SLC24A2: variants seen among roughly 807,000 people sequenced by gnomAD.
SLC24A2 encodes the protein sodium/potassium/calcium exchanger 2.
SLC24A2 carries 36 observed loss-of-function variants against 62.0 expected under a neutral mutation model. The ratio of observed to expected loss-of-function variants is 0.58; its 90% CI spans 0.44 to 0.77. The LOEUF (loss-of-function observed/expected upper bound fraction) is 0.77. Among genes scored for constraint, SLC24A2 ranks in the 30% least tolerant of loss-of-function variants. The pLI, the probability that SLC24A2 is intolerant of heterozygous loss-of-function variation, is 0.00. For missense variants in SLC24A2, 846 were observed against 817.9 expected (o/e 1.03, Z -0.42); for synonymous variants, 358 against 294.0 (o/e 1.22, Z -2.23).
chr9:19,786,174 T>A lies in SLC24A2; in HGVS notation c.693A>T (p.Leu231Phe), dbSNP rs778917697. ...GAAAGAGCGGCCACCATGTCAGGTT[T>A]AAGATTTCTCTAGAAAACAGAGCAC... ...GMCALFSREI[L>F]NLTWWPLFRD... is the part of the protein sequence containing the mutation. The change falls in exon 2 of 11, where the codon TTA becomes TTT. Residue 231 changes from leucine to phenylalanine, a missense_variant. Leu to Phe is a conservative substitution (Grantham distance 22). Coordinates refer to ENST00000341998, the MANE Select transcript of SLC24A2 (RefSeq NM_020344.4). The surrounding 1 kb of genome is among the most constrained non-coding windows in gnomAD (Gnocchi z 5.0). The A allele has an allele frequency of 4.3e-6, 7 of 1,614,166 alleles. No homozygotes were observed. The highest frequency in any genetic ancestry group is 4.2e-6 in the Non-Finnish European group (5 of 1,180,042).
chr9:20,134,456 C>T, the SLC24A2 span, among the ~76,000 whole-genome samples: 2 of 152,040 alleles, frequency 1.3e-5, no homozygotes, highest in Non-Finnish European at 1.5e-5. Context: ...GTCTGAAGGC[C>T]TCACAGCAAC....
the SLC24A2 span, among the ~76,000 whole-genome samples, chr9:20,307,684 C>T: frequency 1.3e-5 from 2 of 152,152 alleles, no homozygotes; most frequent in African/African-American, 4.8e-5. Context: ...ATAGTTGGCT[C>T]GGCCCCTTTG....
chr9:20,290,162 G>A, the SLC24A2 span, among the ~76,000 whole-genome samples: 2 of 152,152 alleles, frequency 1.3e-5, no homozygotes, highest in Non-Finnish European at 2.9e-5. Flanking sequence ...ACAAGGAACA[G>A]AAATCAATTT....
At chr9:19,816,286 A>G in the SLC24A2 span, among the ~76,000 whole-genome samples, 4 of 152,016 alleles carry the variant, frequency 2.6e-5, no homozygotes, top group South Asian at 6.2e-4. Context: ...AGAGTCTTCT[A>G]CTTCAAGCAG....
chr9:19,919,505 C>T, the SLC24A2 span, among the ~76,000 whole-genome samples: 1 of 152,132 alleles, frequency 6.6e-6, no homozygotes, highest in Non-Finnish European at 1.5e-5. Context: ...TAGATACCAA[C>T]ATATACTTAG....
the SLC24A2 span, among the ~76,000 whole-genome samples, chr9:19,880,795 C>G: frequency 6.6e-6 from 1 of 152,242 alleles, no homozygotes; most frequent in African/African-American, 2.4e-5. Context: ...TGAAATTCAT[C>G]TTAACGATCA....
the SLC24A2 span, among the ~76,000 whole-genome samples, chr9:20,058,171 T>C: frequency 1.3e-5 from 2 of 152,206 alleles, no homozygotes; most frequent in Non-Finnish European, 2.9e-5. Context: ...TAACTTTTCT[T>C]GTAGGTTTAT....
chr9:19,689,482 T>C (rs1210736318), intron 2 of SLC24A2, among the ~76,000 whole-genome samples: 1 of 152,162 alleles, frequency 6.6e-6, no homozygotes, highest in Non-Finnish European at 1.5e-5. Context: ...GTCTGACTAA[T>C]GCTCAGAATA....
At chr9:20,167,899 T>A in the SLC24A2 span, among the ~76,000 whole-genome samples, 1 of 151,654 alleles carries the variant, frequency 6.6e-6, no homozygotes, top group East Asian at 2.0e-4. Context: ...TTTTTTTTTT[T>A]ATATTCGACT....
At chr9:19,910,399 C>A in the SLC24A2 span, among the ~76,000 whole-genome samples, 2 of 152,252 alleles carry the variant, frequency 1.3e-5, no homozygotes, top group South Asian at 2.1e-4. Context: ...TTATAACTGG[C>A]CTTCCTGCCT....
intron 2 of SLC24A2, among the ~76,000 whole-genome samples, chr9:19,665,846 T>C (rs530923638): frequency 6.6e-6 from 1 of 151,826 alleles, no homozygotes; most frequent in East Asian, 1.9e-4. Context: ...AGACACAGGG[T>C]TTTTCCATGT....
rs530377704 is a variant in SLC24A2, at chr9:19,762,866, G to T, written c.930+23071C>A. ...TCTAATTCTGTGAAGAAAGTCAATG[G>T]TAGCTTGATGGGAATAGCATTGAAT... On this transcript the variant is annotated intron_variant, in intron 2 of 10. Transcript: ENST00000341998. Among the ~76,000 whole-genome samples, 4 of 149,166 alleles carry T rather than the reference G, an allele frequency of 2.7e-5. No homozygotes were observed. The East Asian group carries it at 5.9e-4, about 22-fold the overall frequency.
At chr9:20,080,567 G>A in the SLC24A2 span, among the ~76,000 whole-genome samples, 1 of 152,122 alleles carries the variant, frequency 6.6e-6, no homozygotes, top group South Asian at 2.1e-4. Flanking sequence ...ATAGGCATGG[G>A]CAAGGACTTC....
the SLC24A2 span, among the ~76,000 whole-genome samples, chr9:20,202,853 T>C: frequency 6.6e-6 from 1 of 152,220 alleles, no homozygotes; most frequent in African/African-American, 2.4e-5. Flanking sequence ...AGCAGTAATT[T>C]CCAGGGTTTC....
At chr9:20,080,087 A>G in the SLC24A2 span, among the ~76,000 whole-genome samples, 1 of 152,362 alleles carries the variant, frequency 6.6e-6, no homozygotes, top group Admixed American at 6.5e-5. Flanking sequence ...ATCCCCATCA[A>G]GCTACCAATG....
intron 2 of SLC24A2, among the ~76,000 whole-genome samples, chr9:19,664,177 G>C (rs1208732933): frequency 1.3e-5 from 2 of 152,186 alleles, no homozygotes; most frequent in South Asian, 4.1e-4. Context: ...GTGATAGTCT[G>C]TATATCCTGC....
intron 7 of SLC24A2, among the ~76,000 whole-genome samples, chr9:19,569,709 C>T (rs1382144890): frequency 6.6e-6 from 1 of 152,152 alleles, no homozygotes; most frequent in Non-Finnish European, 1.5e-5. Flanking sequence ...TGGCTTCTTG[C>T]TGCCCCAGAC....
At chr9:19,837,673 C>T in the SLC24A2 span, among the ~76,000 whole-genome samples, 28 of 152,032 alleles carry the variant, frequency 1.8e-4, no homozygotes, top group South Asian at 2.1e-4. Context: ...AAAACCCCAT[C>T]GTCTCAGCCA....
At chr9:20,125,303 A>C in the SLC24A2 span, among the ~76,000 whole-genome samples, 1 of 152,222 alleles carries the variant, frequency 6.6e-6, no homozygotes, top group Non-Finnish European at 1.5e-5. Context: ...CAGATGAGGA[A>C]ACTAAGGCTC....
Sources: allele counts gnomAD v4.1 joint callset (sites outside exome capture counted in the v4.1 genomes callset), GRCh38; gene constraint gnomAD v4.1.1; non-coding constraint Gnocchi (gnomAD v3.1); transcripts MANE v1.5; gene names NCBI Gene and HGNC (gene_info 2026-07-23, HGNC 2026-07-21).